The following FUT8 variants were observed in gnomAD, a reference collection of about 807,000 sequenced individuals.
FUT8 encodes fucosyltransferase 8, also known as alpha-(1,6)-fucosyltransferase.
In FUT8, 29 loss-of-function variants were observed where a neutral mutation model predicts 71.3. The observed-to-expected ratio is 0.41, with a 90% confidence interval of 0.30 to 0.55. FUT8 has a LOEUF of 0.55. Ranked by LOEUF, FUT8 falls within the 20% of genes least tolerant of loss-of-function variation. The pLI, the probability that FUT8 is intolerant of heterozygous loss-of-function variation, is 0.34. For missense variants in FUT8, 544 were observed against 702.1 expected (o/e 0.77, Z 2.55); for synonymous variants, 254 against 239.3 (o/e 1.06, Z -0.57).
At chr14:65,617,729 A>G (rs948162904) in intron 5 of FUT8, among the ~76,000 whole-genome samples, 1 of 151,914 alleles carries the variant, frequency 6.6e-6, no homozygotes, top group African/African-American at 2.4e-5. Flanking sequence ...AGATCTCTTG[A>G]AGCTAGGAGT....
intron 2 of FUT8, among the ~76,000 whole-genome samples, chr14:65,533,119 A>G (rs1365373785): frequency 2.0e-5 from 3 of 152,120 alleles, no homozygotes; most frequent in Non-Finnish European, 4.4e-5. Flanking sequence ...TTTGCTTAGG[A>G]TTACCTTGGC....
intron 7 of FUT8, among the ~76,000 whole-genome samples, chr14:65,702,153 C>T (rs946861460): frequency 6.6e-6 from 1 of 152,112 alleles, no homozygotes; most frequent in South Asian, 2.1e-4. Context: ...CAAGACCAGC[C>T]TGACCAACAT....
chr14:65,696,549 GTTGT>G (rs1193322779), intron 7 of FUT8, among the ~76,000 whole-genome samples: 2 of 151,886 alleles, frequency 1.3e-5, no homozygotes, highest in East Asian at 1.9e-4. Context: ...GTTTTTTGTT[GTTGT>G]TTGTTTGTTT....
intron 1 of FUT8, among the ~76,000 whole-genome samples, chr14:65,442,474 G>T (rs2065675493): frequency 6.6e-6 from 1 of 151,578 alleles, no homozygotes; most frequent in Non-Finnish European, 1.5e-5. Context: ...CTGGCCAAGG[G>T]TGGACATTTG....
the FUT8 span, among the ~76,000 whole-genome samples, chr14:65,385,946 G>A: frequency 6.6e-6 from 1 of 151,972 alleles, no homozygotes; most frequent in Admixed American, 6.5e-5. Context: ...GAGGTCAGGA[G>A]TTTGAGACCA....
intron 2 of FUT8, among the ~76,000 whole-genome samples, chr14:65,526,203 C>CTG (rs1883456858): frequency 6.6e-6 from 1 of 152,144 alleles, no homozygotes. Context: ...GTCTAAGTCT[C>CTG]TTTGTAGGTC....
At chr14:65,629,847 C>CACACAT (rs1468359635) in intron 6 of FUT8, among the ~76,000 whole-genome samples, 1 of 151,374 alleles carries the variant, frequency 6.6e-6, no homozygotes, top group Non-Finnish European at 1.5e-5. Flanking sequence ...CACACACACA[C>CACACAT]ACACACACAC....
At chr14:65,727,698 C>A (rs1895756494) in intron 9 of FUT8, among the ~76,000 whole-genome samples, 1 of 152,174 alleles carries the variant, frequency 6.6e-6, no homozygotes, top group Non-Finnish European at 1.5e-5. Context: ...TAACACTCGG[C>A]TCCTCATGAC....
At chr14:65,594,246 C>T (rs562179309) in intron 3 of FUT8, among the ~76,000 whole-genome samples, 22 of 152,230 alleles carry the variant, frequency 1.4e-4, no homozygotes, top group South Asian at 2.1e-4. Flanking sequence ...GCCAGGGGCC[C>T]GGCAGTTTAC....
chr14:65,654,299 GC>G (rs1371299033), intron 6 of FUT8, among the ~76,000 whole-genome samples: 2 of 152,104 alleles, frequency 1.3e-5, no homozygotes, highest in Non-Finnish European at 2.9e-5. Context: ...TACTAAAAAT[GC>G]TCTATAGGCC....
intron 1 of FUT8, among the ~76,000 whole-genome samples, chr14:65,423,710 G>A (rs1595356090): frequency 1.3e-5 from 2 of 152,296 alleles, no homozygotes; most frequent in Admixed American, 1.3e-4. Flanking sequence ...ATATTCTTCA[G>A]CTTTAGATCC....
intron 3 of FUT8, among the ~76,000 whole-genome samples, chr14:65,595,602 C>CCT (rs1887923420): frequency 1.2e-5 from 1 of 81,724 alleles, no homozygotes; most frequent in South Asian, 5.4e-4. Flanking sequence ...ACACCATTCT[C>CCT]TTTTTTTTTT....
rs1266506259 is a variant in FUT8, at chr14:65,550,557, G to GA, written c.-227-10775dup. Among the ~76,000 whole-genome samples, 1 of 152,134 alleles carries GA rather than the reference G, an allele frequency of 6.6e-6. No homozygotes were observed. The highest frequency in any genetic ancestry group is 1.5e-5 in the Non-Finnish European group (1 of 68,006). ...ATTGCTTTTATACCATCATAAAGTTGAAAAATTGTTAAGTTGAGCCATTGT... is the reference window on the plus strand; with the variant it reads ...ATTGCTTTTATACCATCATAAAGTTGAAAAAATTGTTAAGTTGAGCCATTGT... On this transcript the variant is annotated intron_variant, in intron 2 of 10. Transcript: ENST00000673929. This position sits in a 1 kb window ranked among gnomAD's most constrained non-coding sequence, Gnocchi z 4.5.
the FUT8 span, among the ~76,000 whole-genome samples, chr14:65,372,567 C>T: frequency 6.6e-6 from 1 of 152,036 alleles, no homozygotes; most frequent in Non-Finnish European, 1.5e-5. Flanking sequence ...AGGCGCCCAC[C>T]ACCATGCCCG....
At chr14:65,426,756 C>G (rs1285660796) in intron 1 of FUT8, among the ~76,000 whole-genome samples, 1 of 152,310 alleles carries the variant, frequency 6.6e-6, no homozygotes, top group East Asian at 1.9e-4. Flanking sequence ...GTCAATATGT[C>G]AGAATGGCGT....
At chr14:65,371,646 C>T in the FUT8 span, among the ~76,000 whole-genome samples, 1 of 152,230 alleles carries the variant, frequency 6.6e-6, no homozygotes, top group South Asian at 2.1e-4. Flanking sequence ...TTGTTTCCAG[C>T]TTAGTCATTA....
chr14:65,679,586 C>T (rs1218525311), intron 7 of FUT8, among the ~76,000 whole-genome samples: 1 of 152,050 alleles, frequency 6.6e-6, no homozygotes. Flanking sequence ...TTATATATTG[C>T]CTCATTGATG....
chr14:65,505,534 G>A (rs774564644), intron 2 of FUT8, among the ~76,000 whole-genome samples: 9 of 151,600 alleles, frequency 5.9e-5, no homozygotes, highest in Non-Finnish European at 1.2e-4. Flanking sequence ...GGATGGTCTC[G>A]ATCTCATGAC....
intron 2 of FUT8, chr14:65,529,327 G>A (rs777439608): frequency 1.3e-5 from 2 of 152,160 alleles, no homozygotes; most frequent in Admixed American, 6.5e-5. Context: ...TACCTCATGG[G>A]TTCAAGCGAT....
Sources: gnomAD v4.1 joint callset for allele counts (sites outside exome capture counted in the v4.1 genomes callset) on GRCh38, gnomAD v4.1.1 for gene constraint, Gnocchi (gnomAD v3.1) non-coding constraint, MANE v1.5 for transcripts, NCBI Gene and HGNC (gene_info 2026-07-23, HGNC 2026-07-21) for gene names.